Variants in FOXB2 observed in about 807,000 individuals in gnomAD.
The protein encoded by FOXB2 is forkhead box B2, also known as forkhead box protein B2.
In FOXB2, 1 loss-of-function variant was observed where a neutral mutation model predicts 0.9. The observed-to-expected ratio is 1.09, with a 90% CI of 0.39 to 5.18. The LOEUF (loss-of-function observed/expected upper bound fraction) is 5.18. Among genes scored for constraint, FOXB2 ranks in the 30% most tolerant of loss-of-function variants. FOXB2 has a pLI of 0.16. For missense variants in FOXB2, 670 were observed against 626.6 expected (o/e 1.07, Z -0.74); for synonymous variants, 322 against 293.5 (o/e 1.10, Z -0.99).
chr9:77,020,395 C>A lies in FOXB2; in HGVS notation c.741C>A (p.Tyr247Ter). The change falls in exon 1 of 1, where the codon TAC becomes TAA. Residue 247 changes from tyrosine (Y) to a stop codon, truncating the protein, a stop_gained. Coordinates refer to ENST00000376708, the MANE Select transcript of FOXB2 (RefSeq NM_001013735.1). LOFTEE classifies it low-confidence loss of function (END_TRUNC). The surrounding 1 kb of genome is among the most constrained non-coding windows in gnomAD (Gnocchi z 4.9). ...GACGCCTGTCTCAGTTCCCACCCTA[C>A]GGGCTGGGCTCGGCCGCCGCCGCTG... is the stretch of plus-strand genomic sequence containing the variant. ...SVGRLSQFPPYGLGSAAAAAA... is the reference protein window; with the variant it reads ...SVGRLSQFPP 2 of 1,543,062 alleles carry A rather than the reference C, an allele frequency of 1.3e-6. No individual in the cohort carries two copies. The highest frequency in any genetic ancestry group is 2.6e-5 in the East Asian group (1 of 38,820).
Position 77,020,322 on chromosome 9 carries a change from T to C in FOXB2, c.668T>C (p.Val223Ala). ...GGCAAGATGCAGGAGGCGGCGGCCGTGGCGGCGGCGGCGGCGGCGGCCGCG... is the reference window on the plus strand; with the variant it reads ...GGCAAGATGCAGGAGGCGGCGGCCGCGGCGGCGGCGGCGGCGGCGGCCGCG... ...HPGKMQEAAAVAAAAAAAAAA... is the reference protein window; with the variant it reads ...HPGKMQEAAAAAAAAAAAAAA... Residue 223 changes from valine (V) to alanine (A), a missense_variant, in exon 1 of 1, where the codon GTG (valine) becomes GCG (alanine). Transcript: ENST00000376708. The surrounding 1 kb of genome is among the most constrained non-coding windows in gnomAD (Gnocchi z 4.9). 1 of 1,069,180 alleles carries C rather than the reference T, an allele frequency of 9.4e-7. No individual in the cohort carries two copies. 66.2% of individuals were successfully genotyped at this position (1,069,180 alleles called of 1,614,324 possible). A position where few individuals can be genotyped will look rare whatever the true frequency, so the allele number is the denominator to read the frequency against.
rs1028309995 is a variant in FOXB2, at chr9:77,020,033, G to T, written c.379G>T (p.Ala127Ser). Residue 127 changes from alanine to serine, a missense_variant, in exon 1 of 1, where the codon GCG (alanine) becomes TCG (serine). Transcript: ENST00000376708. This position sits in a 1 kb window ranked among gnomAD's most constrained non-coding sequence, Gnocchi z 4.9. Reference protein sequence around the residue: ...THLHAGSTKSAPGAGPGGHLH... With the variant: ...THLHAGSTKSSPGAGPGGHLH... ...CTTGCACGCGGGAAGCACCAAGAGC[G>T]CGCCGGGCGCCGGTCCGGGAGGGCA... The T allele has an allele frequency of 4.4e-6, 7 of 1,608,042 alleles. No homozygotes were observed. The highest frequency in any genetic ancestry group is 4.0e-5 in the African/African-American group (3 of 74,750).
chr9:77,019,744 C>A lies in FOXB2; in HGVS notation c.90C>A (p.Ala30=), dbSNP rs773539196. 2 of 1,614,058 alleles carry A rather than the reference C, an allele frequency of 1.2e-6. No homozygotes were observed. The highest frequency in any genetic ancestry group is 1.7e-5 in the Admixed American group (1 of 60,014). The part of the protein sequence containing the change: ...SLTAMAIQHS[A]EKMLPLSDIY... ...CCGCCATGGCAATCCAGCACTCGGC[C>A]GAGAAGATGCTGCCGCTGAGCGACA... Residue 30 remains alanine (A), a synonymous_variant, in exon 1 of 1, where the codon GCC becomes GCA. Transcript: ENST00000376708. This position sits in a 1 kb window ranked among gnomAD's most constrained non-coding sequence, Gnocchi z 4.4.
At position 77,020,842 on chromosome 9, in the gene FOXB2, C is replaced by A. The variant is rs1351127079; in HGVS notation, c.1188C>A (p.Thr396=). ...CGCAGCAGCCTCCGGCGCCATCCAC[C>A]GTGTGCTCCGCGGCCGCGGCCTCGC... is the stretch of plus-strand genomic sequence containing the variant. ...AASQQPPAPS[T]VCSAAAASPV... is the part of the protein sequence containing the mutation. The change falls in exon 1 of 1, where the codon ACC becomes ACA. Residue 396 remains threonine, a synonymous_variant. Coordinates refer to ENST00000376708, the MANE Select transcript of FOXB2 (RefSeq NM_001013735.1). The surrounding 1 kb of genome is among the most constrained non-coding windows in gnomAD (Gnocchi z 4.9). 1.8e-5 allele frequency: 28 copies of A among 1,548,566 alleles called. No individual in the cohort carries two copies. Among genetic ancestry groups the A allele is most frequent in the Non-Finnish European group, 2.3e-5 (27 of 1,153,638 alleles).
At position 77,019,858 on chromosome 9, in the gene FOXB2, C is replaced by T. The variant is rs749482741; in HGVS notation, c.204C>T (p.Asn68=). The change falls in exon 1 of 1, where the codon AAC becomes AAT. Residue 68 remains asparagine, a synonymous_variant. Transcript: ENST00000376708. The surrounding 1 kb of genome is among the most constrained non-coding windows in gnomAD (Gnocchi z 4.4). ...QNSLRHNLSF[N]DCFIKIPRRP... ...GCCTGCGCCACAACCTCTCCTTCAACGACTGCTTCATCAAGATTCCGCGGA... is the reference window on the plus strand; with the variant it reads ...GCCTGCGCCACAACCTCTCCTTCAATGACTGCTTCATCAAGATTCCGCGGA... 1.2e-6 allele frequency: 2 copies of T among 1,613,970 alleles called. No individual in the cohort carries two copies. Among genetic ancestry groups the T allele is most frequent in the African/African-American group, 2.7e-5 (2 of 74,928 alleles).
rs1275865689 is a variant in FOXB2 at position 77,020,314 on chromosome 9, G to A, written c.660G>A (p.Ala220=). 1.6e-6 allele frequency: 2 copies of A among 1,240,856 alleles called. No individual in the cohort carries two copies. Among genetic ancestry groups the A allele is most frequent in the Non-Finnish European group, 2.0e-6 (2 of 987,960 alleles). 76.9% of individuals were successfully genotyped at this position (1,240,856 alleles called of 1,614,324 possible). Residue 220 remains alanine, a synonymous_variant, in exon 1 of 1, where the codon GCG becomes GCA. Transcript: ENST00000376708. The surrounding 1 kb of genome is among the most constrained non-coding windows in gnomAD (Gnocchi z 4.9). ...CTCACCCCGGCAAGATGCAGGAGGC[G>A]GCGGCCGTGGCGGCGGCGGCGGCGG... ...QPSHPGKMQE[A]AAVAAAAAAA... is the part of the protein sequence containing the mutation.
rs961033147 is a variant in FOXB2 at position 77,020,860 on chromosome 9, G to C, written c.1206G>C (p.Ala402=). The change falls in exon 1 of 1, where the codon GCG becomes GCC. Residue 402 remains alanine (A), a synonymous_variant. Transcript: ENST00000376708. This position sits in a 1 kb window ranked among gnomAD's most constrained non-coding sequence, Gnocchi z 4.9. ...CATCCACCGTGTGCTCCGCGGCCGC[G>C]GCCTCGCCCGTTGCCTCTCTGCTGG... is the stretch of plus-strand genomic sequence containing the variant. ...PAPSTVCSAA[A]ASPVASLLEP... The C allele has an allele frequency of 1.3e-6, 2 of 1,549,194 alleles. No individual in the cohort carries two copies. The highest frequency in any genetic ancestry group is 2.7e-5 in the African/African-American group (2 of 73,304).
Position 77,020,158 on chromosome 9 carries a change from G to A in FOXB2, c.504G>A (p.Pro168=). 1 of 1,255,118 alleles carries A rather than the reference G, an allele frequency of 8.0e-7. No individual in the cohort carries two copies. The allele number at this position is 1,255,118 out of a possible 1,614,324, so 77.7% of individuals were successfully genotyped here. A position where few individuals can be genotyped will look rare whatever the true frequency, so the allele number is the denominator to read the frequency against. Residue 168 remains proline (P), a synonymous_variant, in exon 1 of 1, where the codon CCG becomes CCA. Coordinates refer to ENST00000376708, the MANE Select transcript of FOXB2 (RefSeq NM_001013735.1). This position sits in a 1 kb window ranked among gnomAD's most constrained non-coding sequence, Gnocchi z 4.9. ...ACCACCCACCCCAGCCGCCGCCGCC[G>A]CCGCCCCCGCCGCCGCCGCACATGG... ...HHHHPPQPPP[P]PPPPPPHMVH...
At position 77,020,161 on chromosome 9, in the gene FOXB2, G is replaced by GC. The variant is rs1554842990; in HGVS notation, c.512dup (p.Pro172AlafsTer102). ...ACCCACCCCAGCCGCCGCCGCCGCC[G>GC]CCCCCGCCGCCGCCGCACATGGTAC... On this transcript the variant is annotated frameshift_variant, in exon 1 of 1. Transcript: ENST00000376708. LOFTEE classifies it low-confidence loss of function (END_TRUNC). The surrounding 1 kb of genome is among the most constrained non-coding windows in gnomAD (Gnocchi z 4.9). 1 of 1,257,504 alleles carries GC rather than the reference G, an allele frequency of 8.0e-7. No homozygotes were observed. Among genetic ancestry groups the GC allele is most frequent in the Non-Finnish European group, 1.1e-6 (1 of 879,648 alleles). The allele number at this position is 1,257,504 out of a possible 1,614,324, so 77.9% of individuals were successfully genotyped here. A position where few individuals can be genotyped will look rare whatever the true frequency, so the allele number is the denominator to read the frequency against.
Position 77,020,108 on chromosome 9 carries a change from G to GCTGCC in FOXB2, c.455_459dup (p.Ala154LeufsTer186). 1 of 1,371,270 alleles carries GCTGCC rather than the reference G, an allele frequency of 7.3e-7. No homozygotes were observed. The highest frequency in any genetic ancestry group is 9.7e-7 in the Non-Finnish European group (1 of 1,034,690). 84.9% of individuals were successfully genotyped at this position (1,371,270 alleles called of 1,614,324 possible). On this transcript the variant is annotated frameshift_variant, in exon 1 of 1. Transcript: ENST00000376708. LOFTEE classifies it low-confidence loss of function (END_TRUNC). This position sits in a 1 kb window ranked among gnomAD's most constrained non-coding sequence, Gnocchi z 4.9. ...CCCCCACCACCACCATCATCACCAC[G>GCTGCC]CTGCCGCACACCACCACCATCACCA...
Position 77,020,673 on chromosome 9 carries a change from A to C in FOXB2, c.1019A>C (p.Glu340Ala). ...GCAGCCGGAGTCCCTGTAGGCCCGGAGTATGGGGCCTTCGGGGTCCCGGTC... is the reference window on the plus strand; with the variant it reads ...GCAGCCGGAGTCCCTGTAGGCCCGGCGTATGGGGCCTTCGGGGTCCCGGTC... The part of the protein sequence containing the change: ...AAAAGVPVGP[E>A]YGAFGVPVKS... Residue 340 changes from glutamate to alanine, a missense_variant, in exon 1 of 1, where the codon GAG becomes GCG. Glu to Ala is a moderately radical substitution (Grantham distance 107). Coordinates refer to ENST00000376708, the MANE Select transcript of FOXB2 (RefSeq NM_001013735.1). This position sits in a 1 kb window ranked among gnomAD's most constrained non-coding sequence, Gnocchi z 4.9. 6.2e-7 allele frequency: 1 copy of C among 1,603,410 alleles called. No individual in the cohort carries two copies. Among genetic ancestry groups the C allele is most frequent in the South Asian group, 1.1e-5 (1 of 90,068 alleles).
chr9:77,020,832 C>T lies in FOXB2; in HGVS notation c.1178C>T (p.Ala393Val), dbSNP rs761761521. 5.3e-5 allele frequency: 82 copies of T among 1,549,124 alleles called. No homozygotes were observed. The highest frequency in any genetic ancestry group is 8.2e-5 in the South Asian group (7 of 85,244). Residue 393 changes from alanine (A) to valine (V), a missense_variant, in exon 1 of 1, where the codon GCG (alanine) becomes GTG (valine). Physicochemically the swap from Ala to Val is moderately conservative, Grantham distance 64. Coordinates refer to ENST00000376708, the MANE Select transcript of FOXB2 (RefSeq NM_001013735.1). The surrounding 1 kb of genome is among the most constrained non-coding windows in gnomAD (Gnocchi z 4.9). ...CCCGCGGCTTCGCAGCAGCCTCCGG[C>T]GCCATCCACCGTGTGCTCCGCGGCC... ...TVPAASQQPPAPSTVCSAAAA... is the reference protein window; with the variant it reads ...TVPAASQQPPVPSTVCSAAAA...
rs1005519950 is a variant in FOXB2 at position 77,019,766 on chromosome 9, G to T, written c.112G>T (p.Asp38Tyr). Reference protein sequence around the residue: ...HSAEKMLPLSDIYKFIMERFP... With the variant: ...HSAEKMLPLSYIYKFIMERFP... ...GGCCGAGAAGATGCTGCCGCTGAGC[G>T]ACATCTACAAGTTCATCATGGAGCG... is the stretch of plus-strand genomic sequence containing the variant. Residue 38 changes from aspartate (D) to tyrosine (Y), a missense_variant, in exon 1 of 1, where the codon GAC becomes TAC. Transcript: ENST00000376708. This position sits in a 1 kb window ranked among gnomAD's most constrained non-coding sequence, Gnocchi z 4.4. 6.2e-7 allele frequency: 1 copy of T among 1,614,094 alleles called. No individual in the cohort carries two copies. Among genetic ancestry groups the T allele is most frequent in the Non-Finnish European group, 8.5e-7 (1 of 1,180,018 alleles).
chr9:77,020,630 G>A lies in FOXB2; in HGVS notation c.976G>A (p.Ala326Thr), dbSNP rs747514946. Residue 326 changes from alanine (A) to threonine (T), a missense_variant, in exon 1 of 1, where the codon GCC (alanine) becomes ACC (threonine). Physicochemically the swap from Ala to Thr is moderately conservative, Grantham distance 58 (BLOSUM62 0). Transcript: ENST00000376708. The surrounding 1 kb of genome is among the most constrained non-coding windows in gnomAD (Gnocchi z 4.9). ...TGGCGTCATGGATTCGGTGGCCGCC[G>A]CCGCGGCCGCCGCAGCCGCAGCCGG... ...HVGVMDSVAA[A>T]AAAAAAAGVP... 1 of 1,589,268 alleles carries A rather than the reference G, an allele frequency of 6.3e-7. No individual in the cohort carries two copies. The highest frequency in any genetic ancestry group is 1.1e-5 in the South Asian group (1 of 88,752).
Position 77,020,175 on chromosome 9 carries a change from C to T in FOXB2, c.521C>T (p.Pro174Leu), listed in dbSNP as rs762351744. ...QPPPPPPPPP[P>L]HMVHYFHQQP... ...CCGCCGCCGCCGCCCCCGCCGCCGC[C>T]GCACATGGTACACTATTTCCATCAG... Residue 174 changes from proline (P) to leucine (L), a missense_variant, in exon 1 of 1, where the codon CCG (proline) becomes CTG (leucine). Pro to Leu is a moderately conservative substitution (Grantham distance 98). Coordinates refer to ENST00000376708, the MANE Select transcript of FOXB2 (RefSeq NM_001013735.1). This position sits in a 1 kb window ranked among gnomAD's most constrained non-coding sequence, Gnocchi z 4.9. The T allele has an allele frequency of 5.0e-6, 6 of 1,205,084 alleles. No individual in the cohort carries two copies. The highest frequency in any genetic ancestry group is 2.4e-5 in the South Asian group (2 of 82,664). 74.6% of individuals were successfully genotyped at this position (1,205,084 alleles called of 1,614,324 possible).
In FOXB2 at chr9:77,019,705, T is replaced by C. The variant is rs753393387; in HGVS notation, c.51T>C (p.Ser17=). The change falls in exon 1 of 1, where the codon TCT becomes TCC. Residue 17 remains serine, a synonymous_variant. Transcript: ENST00000376708. This position sits in a 1 kb window ranked among gnomAD's most constrained non-coding sequence, Gnocchi z 4.4. ...SSYSDQKPPY[S]YISLTAMAIQ... The stretch of plus-strand genomic sequence containing the variant: ...ACAGCGACCAAAAACCGCCCTACTC[T>C]TACATCTCGCTGACCGCCATGGCAA... 6.2e-7 allele frequency: 1 copy of C among 1,612,086 alleles called. No homozygotes were observed. Among genetic ancestry groups the C allele is most frequent in the South Asian group, 1.1e-5 (1 of 90,816 alleles).
rs1564571854 is a variant in FOXB2, at chr9:77,020,623, G to A, written c.969G>A (p.Val323=). 2 of 1,596,282 alleles carry A rather than the reference G, an allele frequency of 1.3e-6. No homozygotes were observed. Among genetic ancestry groups the A allele is most frequent in the Non-Finnish European group, 1.7e-6 (2 of 1,173,902 alleles). The change falls in exon 1 of 1, where the codon GTG becomes GTA. Residue 323 remains valine, a synonymous_variant. Coordinates refer to ENST00000376708, the MANE Select transcript of FOXB2 (RefSeq NM_001013735.1). The surrounding 1 kb of genome is among the most constrained non-coding windows in gnomAD (Gnocchi z 4.9). ...CGCACGTTGGCGTCATGGATTCGGT[G>A]GCCGCCGCCGCGGCCGCCGCAGCCG... The part of the protein sequence containing the change: ...VWPHVGVMDS[V]AAAAAAAAAA...
rs1344706490 is a variant in FOXB2 at position 77,020,390 on chromosome 9, C to A, written c.736C>A (p.Pro246Thr). 3 of 1,559,238 alleles carry A rather than the reference C, an allele frequency of 1.9e-6. No homozygotes were observed. The highest frequency in any genetic ancestry group is 1.7e-6 in the Non-Finnish European group (2 of 1,158,800). Residue 246 changes from proline to threonine, a missense_variant, in exon 1 of 1, where the codon CCC becomes ACC. By Grantham distance (38) the Pro-to-Thr change is conservative. Transcript: ENST00000376708. The surrounding 1 kb of genome is among the most constrained non-coding windows in gnomAD (Gnocchi z 4.9). ...GSVGRLSQFP[P>T]YGLGSAAAAA... Reference sequence around the variant, plus strand: ...CGTGGGACGCCTGTCTCAGTTCCCACCCTACGGGCTGGGCTCGGCCGCCGC... The same window carrying A: ...CGTGGGACGCCTGTCTCAGTTCCCAACCTACGGGCTGGGCTCGGCCGCCGC...
chr9:77,020,555 C>T lies in FOXB2; in HGVS notation c.901C>T (p.Pro301Ser). Residue 301 changes from proline (P) to serine (S), a missense_variant, in exon 1 of 1, where the codon CCC becomes TCC. Pro to Ser is a moderately conservative substitution (Grantham distance 74). Coordinates refer to ENST00000376708, the MANE Select transcript of FOXB2 (RefSeq NM_001013735.1). This position sits in a 1 kb window ranked among gnomAD's most constrained non-coding sequence, Gnocchi z 4.9. ...LASVMHHLGY[P>S]VPGQLGNVVS... ...GTCCGTCATGCACCACCTGGGCTAC[C>T]CCGTGCCCGGCCAGCTTGGCAACGT... The T allele has an allele frequency of 6.2e-7, 1 of 1,611,154 alleles. No homozygotes were observed. Among genetic ancestry groups the T allele is most frequent in the Non-Finnish European group, 8.5e-7 (1 of 1,179,382 alleles).
Sources: allele counts gnomAD v4.1 joint callset, GRCh38; gene constraint gnomAD v4.1.1; non-coding constraint Gnocchi (gnomAD v3.1); transcripts MANE v1.5; gene names NCBI Gene and HGNC (gene_info 2026-07-23, HGNC 2026-07-21).